The following NIPA2 variants were observed in gnomAD, a reference collection of about 807,000 sequenced individuals.
The protein encoded by NIPA2 is NIPA magnesium transporter 2.
Under a neutral mutation model 29.7 loss-of-function variants are expected in NIPA2, and 11 were observed. The ratio of observed to expected loss-of-function variants is 0.37; its 90% CI spans 0.23 to 0.61. NIPA2 has a LOEUF of 0.61. Ranked by LOEUF, NIPA2 falls within the 20% of genes least tolerant of loss-of-function variation. The probability of loss-of-function intolerance (pLI) is 0.66; values close to 1 mark genes in which losing one functional copy is unlikely to be tolerated. For synonymous variants in NIPA2, 183 were observed against 161.9 expected (o/e 1.13, Z -0.99); for missense variants, 426 against 437.9 (o/e 0.97, Z 0.24).
chr15:22,848,818 CT>C (rs71117473), intron 3 of NIPA2, among the ~76,000 whole-genome samples: 21,397 of 91,294 alleles, frequency 0.23, 2,550 homozygotes, highest in Admixed American at 0.4. Flanking sequence ...GAGCAAGACT[CT>C]TGTCTCAAAA....
chr15:22,851,484 A>C (rs1177605801), intron 3 of NIPA2, among the ~76,000 whole-genome samples, 155 bp from the exon 4 acceptor site: 1 of 152,172 alleles, frequency 6.6e-6, no homozygotes, highest in Non-Finnish European at 1.5e-5. Context: ...AGAAATATAC[A>C]GGTTGGTGCT....
At chr15:22,848,576 G>C (rs2057457787) in intron 3 of NIPA2, among the ~76,000 whole-genome samples, 1 of 151,880 alleles carries the variant, frequency 6.6e-6, no homozygotes, top group African/African-American at 2.4e-5. Context: ...TGTAATCCTA[G>C]CACTTTTTGA....
intron 7 of NIPA2, among the ~76,000 whole-genome samples, chr15:22,861,605 A>T (rs1408279357): frequency 1.3e-5 from 2 of 152,106 alleles, no homozygotes; most frequent in Non-Finnish European, 1.5e-5. Context: ...TGAACAGTTT[A>T]TCCCTTATCT....
chr15:22,846,840 A>ATTATT (rs1555380237), intron 3 of NIPA2, among the ~76,000 whole-genome samples: 203 of 134,984 alleles, frequency 1.5e-3, no homozygotes, highest in East Asian at 2.9e-3. Flanking sequence ...TAATAATAAT[A>ATTATT]ATTATTATTA....
rs990504228 is a variant in NIPA2 at position 22,857,924 on chromosome 15, T to TTTTA, written c.197-611_197-608dup. On this transcript the variant is annotated intron_variant, in intron 5 of 7. Coordinates refer to ENST00000337451, the MANE Select transcript of NIPA2 (RefSeq NM_030922.7). Reference sequence around the variant, plus strand: ...TTCATGTCGGCTTCTTCTCAGTGATTTTTATTTACTGTCCTGGGATATAAG... The same window carrying TTTTA: ...TTCATGTCGGCTTCTTCTCAGTGATTTTTATTTATTTACTGTCCTGGGATATAAG... 2.4e-4 allele frequency among the ~76,000 whole-genome samples: 36 copies of TTTTA among 152,158 alleles called. 1 individual carries two copies. The highest frequency in any genetic ancestry group is 7.5e-4 in the African/African-American group (31 of 41,506).
intron 5 of NIPA2, among the ~76,000 whole-genome samples, chr15:22,854,975 A>G (rs537354034): frequency 1.3e-4 from 20 of 152,280 alleles, no homozygotes; most frequent in African/African-American, 4.8e-4. Flanking sequence ...AGTTAAGAGG[A>G]GAATTCTGTT....
chr15:22,839,163 T>C (rs886154169), intron 1 of NIPA2: 1 of 152,136 alleles, frequency 6.6e-6, no homozygotes, highest in Non-Finnish European at 1.5e-5. Context: ...TAAAATAATT[T>C]CATTTGTCTT....
intron 7 of NIPA2, among the ~76,000 whole-genome samples, chr15:22,863,591 A>G (rs923610984): frequency 2.0e-5 from 3 of 152,224 alleles, no homozygotes; most frequent in Admixed American, 6.5e-5. Flanking sequence ...TTGTGTGCCA[A>G]GAAACACCGT....
In NIPA2 at chr15:22,851,827, A is replaced by G. The variant is rs752725855; in HGVS notation, c.96A>G (p.Lys32=). The change falls in exon 4 of 8, where the codon AAA becomes AAG. Residue 32 remains lysine (K), a synonymous_variant. Transcript: ENST00000337451. The part of the protein sequence containing the change: ...IFIGGSFILK[K]KGLLRLARKG... The stretch of plus-strand genomic sequence containing the variant: ...TTGGAGGAAGTTTCATTTTGAAAAA[A>G]AAGGGCCTCCTTCGACTTGCCAGGA... 1.2e-5 allele frequency: 20 copies of G among 1,613,778 alleles called. No homozygotes were observed. The Admixed American group carries it at 3.2e-4, about 26-fold the overall frequency.
chr15:22,866,233 C>G lies in NIPA2; in HGVS notation c.469C>G (p.Leu157Val). 6.2e-7 allele frequency: 1 copy of G among 1,613,658 alleles called. No homozygotes were observed. The highest frequency in any genetic ancestry group is 8.5e-7 in the Non-Finnish European group (1 of 1,179,624). Residue 157 changes from leucine to valine, a missense_variant, in exon 8 of 8, where the codon CTT (leucine) becomes GTT (valine). Around this residue, in one of 3 missense-constraint regions of NIPA2, gnomAD observed 357 missense variants for 339.8 expected, o/e 1.05. Coordinates refer to ENST00000337451, the MANE Select transcript of NIPA2 (RefSeq NM_030922.7). The stretch of plus-strand genomic sequence containing the variant: ...TCCAGGTTTTGTGGTCTTTGCAACC[C>G]TTGTGGTCATTGTGGCCTTGATATT... Reference protein sequence around the residue: ...GDPGFVVFATLVVIVALILIF... With the variant: ...GDPGFVVFATVVVIVALILIF...
rs1332973871 is a variant in NIPA2, at chr15:22,867,384, AC to A, written c.*538del. On this transcript the variant is annotated 3_prime_UTR_variant, in exon 8 of 8. Transcript: ENST00000337451. ...TACTGAATGAAGGAACCTCTTTCTT[AC>A]AAAACAAAAAAAAGGGCAGAAATCA... 4 of 389,648 alleles carry A rather than the reference AC, an allele frequency of 1.0e-5. No homozygotes were observed. The highest frequency in any genetic ancestry group is 1.8e-5 in the Non-Finnish European group (4 of 221,210). The allele number at this position is 389,648 out of a possible 1,614,324, so 24.1% of individuals were successfully genotyped here. A position where few individuals can be genotyped will look rare whatever the true frequency, so the allele number is the denominator to read the frequency against.
At chr15:22,845,476 TG>T (rs1898353885) in intron 3 of NIPA2, among the ~76,000 whole-genome samples, 1 of 152,210 alleles carries the variant, frequency 6.6e-6, no homozygotes, top group Non-Finnish European at 1.5e-5. Flanking sequence ...CTACCGTAAA[TG>T]AGTGCCTTTT....
In NIPA2 at chr15:22,866,254, A is replaced by G. The variant is rs202220837; in HGVS notation, c.490A>G (p.Ile164Val). ...FATLVVIVAL[I>V]LIFVVGPRHG... ...AACCCTTGTGGTCATTGTGGCCTTG[A>G]TATTAATCTTCGTGGTGGGTCCTCG... The change falls in exon 8 of 8, where the codon ATA becomes GTA. Residue 164 changes from isoleucine (I) to valine (V), a missense_variant. Ile to Val is a conservative substitution (Grantham distance 29, BLOSUM62 3). This residue lies in a region of NIPA2 where 357 missense variants were observed against 339.8 expected (regional missense o/e 1.05). Coordinates refer to ENST00000337451, the MANE Select transcript of NIPA2 (RefSeq NM_030922.7). The G allele has an allele frequency of 6.8e-6, 11 of 1,613,980 alleles. No homozygotes were observed. Among genetic ancestry groups the G allele is most frequent in the Non-Finnish European group, 7.6e-6 (9 of 1,179,886 alleles).
chr15:22,860,614 TCCTCCCC>T lies in NIPA2; in HGVS notation c.288-14_288-8del. ...GCTGATTAAAGTTCTCAATTTTTTT[TCCTCCCC>T]ATTTTAGTGCCATTCTTTCTTCATA... On this transcript the variant is annotated splice_polypyrimidine_tract_variant and splice_region_variant and intron_variant, in intron 6 of 7. Coordinates refer to ENST00000337451, the MANE Select transcript of NIPA2 (RefSeq NM_030922.7). The T allele has an allele frequency of 6.6e-7, 1 of 1,518,278 alleles. No homozygotes were observed. The highest frequency in any genetic ancestry group is 8.8e-7 in the Non-Finnish European group (1 of 1,133,544). 94.1% of individuals were successfully genotyped at this position (1,518,278 alleles called of 1,614,324 possible). A position where few individuals can be genotyped will look rare whatever the true frequency, so the allele number is the denominator to read the frequency against.
intron 3 of NIPA2, among the ~76,000 whole-genome samples, chr15:22,849,229 G>A (rs2057525188): frequency 6.6e-6 from 1 of 152,174 alleles, no homozygotes; most frequent in South Asian, 2.1e-4. Flanking sequence ...TGAGGCTTGA[G>A]ATGACCAGTA....
At chr15:22,848,181 G>C (rs1331346047) in intron 3 of NIPA2, among the ~76,000 whole-genome samples, 1 of 152,132 alleles carries the variant, frequency 6.6e-6, no homozygotes, top group African/African-American at 2.4e-5. Context: ...ATACCTGCCA[G>C]GAGGGCTGAA....
intron 6 of NIPA2, among the ~76,000 whole-genome samples, chr15:22,859,212 T>TA (rs1304673459): frequency 6.6e-6 from 1 of 151,700 alleles, no homozygotes; most frequent in Non-Finnish European, 1.5e-5. Context: ...AATTCAAAGT[T>TA]ACACTCATCC....
rs1566895650 is a variant in NIPA2, at chr15:22,868,260, G to GT, written c.*1414dup. The GT allele has an allele frequency of 6.6e-6, 1 of 151,932 alleles. No individual in the cohort carries two copies. The highest frequency in any genetic ancestry group is 2.4e-5 in the African/African-American group (1 of 41,290). The allele number at this position is 151,932 out of a possible 1,614,324, so 9.4% of individuals were successfully genotyped here. On this transcript the variant is annotated 3_prime_UTR_variant, in exon 8 of 8. Coordinates refer to ENST00000337451, the MANE Select transcript of NIPA2 (RefSeq NM_030922.7). ...CATTTTAATACTACAGATGTACTAC[G>GT]TATCTGTTTATATACTGTACCTACA...
chr15:22,867,963 C>G lies in NIPA2; in HGVS notation c.*1116C>G, dbSNP rs965896289. On this transcript the variant is annotated 3_prime_UTR_variant, in exon 8 of 8. Transcript: ENST00000337451. ...GAACCTATCCACTCATAACCATTGA[C>G]TGGCCTTTAAAAAAAAGTATTGGCA... 6.6e-6 allele frequency: 1 copy of G among 152,230 alleles called. No homozygotes were observed. The highest frequency in any genetic ancestry group is 1.5e-5 in the Non-Finnish European group (1 of 68,036). 9.4% of individuals were successfully genotyped at this position (152,230 alleles called of 1,614,324 possible).
Sources: gnomAD v4.1 joint callset for allele counts (sites outside exome capture counted in the v4.1 genomes callset) on GRCh38, gnomAD v4.1.1 for gene constraint, gnomAD v4.1.1 regional missense constraint, MANE v1.5 for transcripts, NCBI Gene and HGNC (gene_info 2026-07-23, HGNC 2026-07-21) for gene names.